The following CLYBL variants were observed in gnomAD, a reference collection of about 807,000 sequenced individuals.
CLYBL encodes citramalyl-CoA lyase, mitochondrial.
In CLYBL, 31 loss-of-function variants were observed where a neutral mutation model predicts 38.9. The ratio of observed to expected loss-of-function variants is 0.80; its 90% confidence interval spans 0.60 to 1.08. The LOEUF (loss-of-function observed/expected upper bound fraction) is 1.08, where lower values mean the gene tolerates loss of function less well. Ranked by LOEUF, CLYBL falls within the 50% of genes least tolerant of loss-of-function variation. The probability of loss-of-function intolerance (pLI) is 0.00; values close to 1 mark genes in which losing one functional copy is unlikely to be tolerated. For synonymous variants in CLYBL, 171 were observed against 158.6 expected (o/e 1.08, Z -0.59); for missense variants, 434 against 411.6 (o/e 1.05, Z -0.47).
Position 99,805,830 on chromosome 13 carries a change from C to T in CLYBL, c.249+32820C>T, listed in dbSNP as rs139245615. 1.1e-3 allele frequency among the ~76,000 whole-genome samples: 173 copies of T among 152,234 alleles called. 1 individual carries two copies. Among genetic ancestry groups the T allele is most frequent in the African/African-American group, 4.1e-3 (169 of 41,532 alleles). ...TCACACAAAATTCACCTCAGTACTGCCCTATTTTCCTTTGCTCCCTTTGCA... is the reference window on the plus strand; with the variant it reads ...TCACACAAAATTCACCTCAGTACTGTCCTATTTTCCTTTGCTCCCTTTGCA... On this transcript the variant is annotated intron_variant, in intron 2 of 8. Coordinates refer to ENST00000339105, the MANE Select transcript of CLYBL (RefSeq NM_206808.5).
intron 1 of CLYBL, among the ~76,000 whole-genome samples, chr13:99,747,249 C>T (rs1352354940): frequency 2.2e-5 from 3 of 134,796 alleles, no homozygotes; most frequent in African/African-American, 5.4e-5. Flanking sequence ...TCTTTTCCTC[C>T]TCCCCTCCTC....
chr13:99,905,889 G>C (rs2052692860), intron 9 of CLYBL, among the ~76,000 whole-genome samples: 2 of 151,842 alleles, frequency 1.3e-5, no homozygotes. Flanking sequence ...CCTCAGCCAG[G>C]ACCCCACCCA....
At position 99,819,189 on chromosome 13, in the gene CLYBL, T is replaced by A. The variant is rs182185894; in HGVS notation, c.250-39672T>A. ...AATATCTCTACAAAAGAAAATTTTT[T>A]AAAAAATTAGCCAGGTATGGTAGCA... On this transcript the variant is annotated intron_variant, in intron 2 of 8. Coordinates refer to ENST00000339105, the MANE Select transcript of CLYBL (RefSeq NM_206808.5). Among the ~76,000 whole-genome samples the A allele has an allele frequency of 6.4e-3, 970 of 151,072 alleles. 2 individuals are homozygous for A. The highest frequency in any genetic ancestry group is 0.023 in the African/African-American group (933 of 41,160).
chr13:99,900,276 C>T (rs1020076526), downstream of CLYBL, among the ~76,000 whole-genome samples: 8 of 152,094 alleles, frequency 5.3e-5, no homozygotes, highest in South Asian at 2.1e-4. Flanking sequence ...CACAGGAAAA[C>T]GTGTTCAAAT....
At chr13:99,640,909 C>T (rs919753916) in intron 1 of CLYBL, among the ~76,000 whole-genome samples, 4 of 152,248 alleles carry the variant, frequency 2.6e-5, no homozygotes, top group African/African-American at 7.2e-5. Flanking sequence ...ATCCAAGCTA[C>T]TCCTGCTAAC....
At chr13:99,879,402 TCTTC>T (rs905874192) in intron 7 of CLYBL, among the ~76,000 whole-genome samples, 52 of 152,350 alleles carry the variant, frequency 3.4e-4, no homozygotes, top group Admixed American at 2.7e-3. Context: ...TTGCTACACC[TCTTC>T]CTTTTCTGGT....
In CLYBL at chr13:99,880,229, G is replaced by A. The variant is rs184058176; in HGVS notation, c.927+9167G>A. 2.9e-3 allele frequency among the ~76,000 whole-genome samples: 434 copies of A among 151,602 alleles called. 1 individual carries two copies. The highest frequency in any genetic ancestry group is 4.4e-3 in the Admixed American group (67 of 15,212). On this transcript the variant is annotated intron_variant, in intron 7 of 8. Transcript: ENST00000339105. ...ATTACAGGCGCATGCCACTATGCCC[G>A]GCTCATTGTATTTTTGGTAGAGACG...
intron 1 of CLYBL, among the ~76,000 whole-genome samples, chr13:99,635,459 T>C (rs1306222629): frequency 1.3e-5 from 2 of 152,094 alleles, no homozygotes; most frequent in African/African-American, 4.8e-5. Context: ...CATCTCCCAG[T>C]GAGGTCAGGT....
At chr13:99,709,100 A>T (rs925184164) in intron 1 of CLYBL, among the ~76,000 whole-genome samples, 1 of 152,126 alleles carries the variant, frequency 6.6e-6, no homozygotes, top group Admixed American at 6.5e-5. Flanking sequence ...CTAAAAAAAA[A>T]GAAAGAAAAA....
chr13:99,649,924 C>T (rs967835764), intron 1 of CLYBL, among the ~76,000 whole-genome samples: 6 of 151,350 alleles, frequency 4.0e-5, no homozygotes, highest in African/African-American at 1.2e-4. Flanking sequence ...AGTTTTCAGC[C>T]TGAGCAATAT....
At chr13:99,779,733 T>C (rs1038030438) in intron 2 of CLYBL, among the ~76,000 whole-genome samples, 2 of 152,214 alleles carry the variant, frequency 1.3e-5, no homozygotes, top group Non-Finnish European at 2.9e-5. Context: ...AAACCATAGC[T>C]TGAGTAGCAA....
Position 99,764,831 on chromosome 13 carries a change from C to G in CLYBL, c.63-7993C>G, listed in dbSNP as rs1458495665. Among the ~76,000 whole-genome samples, 3 of 151,838 alleles carry G rather than the reference C, an allele frequency of 2.0e-5. No individual in the cohort carries two copies. In the East Asian group the frequency reaches 5.8e-4, roughly 29 times the overall value. ...AGTATCTGGGTACTATAGGCATGCA[C>G]CACCATGCCTGGCTAATTTTTTTTT... On this transcript the variant is annotated intron_variant, in intron 1 of 8. Transcript: ENST00000339105.
intron 2 of CLYBL, among the ~76,000 whole-genome samples, chr13:99,833,868 A>C (rs576624699): frequency 1.4e-3 from 207 of 151,088 alleles, no homozygotes; most frequent in Non-Finnish European, 2.5e-3. Context: ...CACCCAGCTA[A>C]TTTTTGAATT....
At chr13:99,686,164 ACT>A (rs1444412290) in intron 1 of CLYBL, among the ~76,000 whole-genome samples, 1 of 152,050 alleles carries the variant, frequency 6.6e-6, no homozygotes, top group Non-Finnish European at 1.5e-5. Flanking sequence ...TTTCAGGGAC[ACT>A]CTGAGCTAAG....
chr13:99,625,787 C>T (rs980899747), intron 1 of CLYBL, among the ~76,000 whole-genome samples: 8 of 152,214 alleles, frequency 5.3e-5, no homozygotes, highest in African/African-American at 1.7e-4. Flanking sequence ...CTGACAAGAA[C>T]GGGAGTCATG....
intron 1 of CLYBL, among the ~76,000 whole-genome samples, chr13:99,659,922 G>C (rs1386246570): frequency 6.6e-6 from 1 of 152,148 alleles, no homozygotes; most frequent in Non-Finnish European, 1.5e-5. Context: ...ACCAGGGGGC[G>C]ATTTCTGGGC....
chr13:99,731,946 A>G (rs559796535), intron 1 of CLYBL, among the ~76,000 whole-genome samples: 28 of 152,250 alleles, frequency 1.8e-4, no homozygotes, highest in African/African-American at 6.0e-4. Context: ...ATGTGGTGAC[A>G]TACTTTGGAG....
Position 99,891,393 on chromosome 13 carries a change from A to C in CLYBL, c.1003A>C (p.Thr335Pro), listed in dbSNP as rs779745362. 1.2e-6 allele frequency: 2 copies of C among 1,613,208 alleles called. No individual in the cohort carries two copies. The highest frequency in any genetic ancestry group is 1.6e-4 in the Middle Eastern group (1 of 6,082). ...GGCCCAGAACACTGTTACGCTTGCC[A>C]CCTCCATCAAGGAAAAATGATCTGT... ...KQAQNTVTLA[T>P]SIKEK The change falls in exon 8 of 9, where the codon ACC (threonine) becomes CCC (proline). Residue 335 changes from threonine to proline, a missense_variant. Thr to Pro is a conservative substitution (Grantham distance 38). Transcript: ENST00000339105.
At chr13:99,779,166 G>A (rs1454881263) in intron 2 of CLYBL, among the ~76,000 whole-genome samples, 1 of 152,100 alleles carries the variant, frequency 6.6e-6, no homozygotes, top group Non-Finnish European at 1.5e-5. Context: ...TTTTGAGAAG[G>A]AGTCTCGCTG....
Sources: allele counts gnomAD v4.1 joint callset (sites outside exome capture counted in the v4.1 genomes callset), GRCh38; gene constraint gnomAD v4.1.1; transcripts MANE v1.5; gene names NCBI Gene and HGNC (gene_info 2026-07-23, HGNC 2026-07-21).